The following UQCC1 variants were observed in gnomAD, a reference collection of about 807,000 sequenced individuals.
The protein encoded by UQCC1 is ubiquinol-cytochrome c reductase complex assembly factor 1.
Under a neutral mutation model 48.0 loss-of-function variants are expected in UQCC1, and 38 were observed. The observed-to-expected ratio is 0.79, with a 90% CI of 0.61 to 1.04. The LOEUF is 1.04. UQCC1 is among the 50% of genes least tolerant of loss of function. The pLI, the probability that UQCC1 is intolerant of heterozygous loss-of-function variation, is 0.00. For missense variants in UQCC1, 368 were observed against 381.8 expected (o/e 0.96, Z 0.30); for synonymous variants, 111 against 129.2 (o/e 0.86, Z 0.95).
Position 35,303,988 on chromosome 20 carries a change from G to C in UQCC1, c.847C>G (p.Pro283Ala). The C allele has an allele frequency of 1.2e-6, 2 of 1,614,176 alleles. No individual in the cohort carries two copies. The highest frequency in any genetic ancestry group is 1.7e-6 in the Non-Finnish European group (2 of 1,180,014). ...VSWRPLVEKN[P>A]QSILKPHSPT... ...GAATGGGGCTTCAGGATGCTCTGAGGATTCTTCTCCACTAGAGGGCGCCAG... is the reference window on the plus strand; with the variant it reads ...GAATGGGGCTTCAGGATGCTCTGAGCATTCTTCTCCACTAGAGGGCGCCAG... Residue 283 changes from proline (P) to alanine (A), a missense_variant, in exon 10 of 10, where the codon CCT (proline) becomes GCT (alanine). Transcript: ENST00000374385.
intron 7 of UQCC1, among the ~76,000 whole-genome samples, chr20:35,318,019 A>G (rs2061081755): frequency 6.6e-6 from 1 of 152,210 alleles, no homozygotes; most frequent in Non-Finnish European, 1.5e-5. Flanking sequence ...CCTGATACCC[A>G]TACTTGGAGG....
At chr20:35,359,834 T>A (rs2061586695) in intron 6 of UQCC1, among the ~76,000 whole-genome samples, 1 of 152,130 alleles carries the variant, frequency 6.6e-6, no homozygotes, top group Admixed American at 6.5e-5. Context: ...AGTTTATTGA[T>A]CTGTAAGCTG....
At position 35,303,805 on chromosome 20, in the gene UQCC1, G is replaced by A; in HGVS notation, c.*130C>T. The A allele has an allele frequency of 7.8e-7, 1 of 1,277,684 alleles. No homozygotes were observed. The highest frequency in any genetic ancestry group is 1.1e-6 in the Non-Finnish European group (1 of 903,280). 79.1% of individuals were successfully genotyped at this position (1,277,684 alleles called of 1,614,324 possible). A position where few individuals can be genotyped will look rare whatever the true frequency, so the allele number is the denominator to read the frequency against. ...TAAGAGGAAACTCAACACAAATGGGGCCAGGTATTTGACAGATGCTGTTCA... is the reference window on the plus strand; with the variant it reads ...TAAGAGGAAACTCAACACAAATGGGACCAGGTATTTGACAGATGCTGTTCA... On this transcript the variant is annotated 3_prime_UTR_variant, in exon 10 of 10. Coordinates refer to ENST00000374385, the MANE Select transcript of UQCC1 (RefSeq NM_018244.5).
chr20:35,404,195 C>T (rs935717021), intron 1 of UQCC1, among the ~76,000 whole-genome samples: 2 of 152,060 alleles, frequency 1.3e-5, no homozygotes, highest in African/African-American at 4.8e-5. Context: ...CGGTGAAATG[C>T]CGTCTCTACT....
At chr20:35,396,751 A>T (rs1302182918) in intron 1 of UQCC1, among the ~76,000 whole-genome samples, 1 of 152,182 alleles carries the variant, frequency 6.6e-6, no homozygotes, top group East Asian at 1.9e-4. Flanking sequence ...AGAAAGGGAT[A>T]GCTCTCTCTT....
intron 2 of UQCC1, chr20:35,384,648 T>TAAAAAAA: frequency 2.6e-6 from 1 of 382,944 alleles, no homozygotes; most frequent in Non-Finnish European, 5.0e-6. Flanking sequence ...ACCCTGTCTG[T>TAAAAAAA]AAAAAAAAAA....
intron 8 of UQCC1, among the ~76,000 whole-genome samples, chr20:35,310,372 T>C (rs1423993594): frequency 2.0e-5 from 3 of 151,946 alleles, no homozygotes; most frequent in Non-Finnish European, 2.9e-5. Flanking sequence ...TTAGCGGGTG[T>C]GGTGGCTCAC....
intron 1 of UQCC1, among the ~76,000 whole-genome samples, chr20:35,394,685 A>G (rs531029646): frequency 6.6e-6 from 1 of 152,276 alleles, no homozygotes; most frequent in South Asian, 2.1e-4. Flanking sequence ...TCTGATACCA[A>G]ATGTGCAGGG....
chr20:35,332,031 T>C (rs1331628475), intron 7 of UQCC1, among the ~76,000 whole-genome samples: 1 of 152,192 alleles, frequency 6.6e-6, no homozygotes, highest in African/African-American at 2.4e-5. Flanking sequence ...AAAGCAACAT[T>C]GTGGCAGAGC....
chr20:35,387,116 C>G (rs756784247), intron 2 of UQCC1, among the ~76,000 whole-genome samples: 3 of 151,340 alleles, frequency 2.0e-5, no homozygotes, highest in Admixed American at 6.6e-5. Context: ...ATCTCTACCC[C>G]CCTCCAAAAA....
At chr20:35,373,827 G>A (rs1265976120) in intron 5 of UQCC1, among the ~76,000 whole-genome samples, 1 of 151,858 alleles carries the variant, frequency 6.6e-6, no homozygotes, top group East Asian at 1.9e-4. Flanking sequence ...TTCAAAATAA[G>A]CAAAATGTTT....
chr20:35,408,221 G>A (rs1355809930), intron 1 of UQCC1, among the ~76,000 whole-genome samples: 2 of 151,836 alleles, frequency 1.3e-5, no homozygotes, highest in Non-Finnish European at 2.9e-5. Flanking sequence ...TTAAACTCAG[G>A]AATTTGAGAC....
intron 2 of UQCC1, among the ~76,000 whole-genome samples, chr20:35,387,931 A>C (rs2061965134): frequency 6.6e-6 from 1 of 152,020 alleles, no homozygotes; most frequent in Non-Finnish European, 1.5e-5. Flanking sequence ...ACCTACCTAC[A>C]TGCTTGGTGT....
intron 9 of UQCC1, among the ~76,000 whole-genome samples, chr20:35,305,184 G>C (rs563942949): frequency 1.3e-5 from 2 of 152,202 alleles, no homozygotes; most frequent in Admixed American, 1.3e-4. Context: ...CTGGCTCCTC[G>C]AGGGCAGGAC....
chr20:35,378,620 A>G (rs1400784467), intron 4 of UQCC1, among the ~76,000 whole-genome samples: 6 of 151,978 alleles, frequency 3.9e-5, no homozygotes, highest in Non-Finnish European at 8.8e-5. Context: ...ACAGAGCGAG[A>G]CTCCAACTCA....
rs563701837 is a variant in UQCC1, at chr20:35,347,960, G to A, written c.465-688C>T. Among the ~76,000 whole-genome samples the A allele has an allele frequency of 9.2e-5, 14 of 152,162 alleles. No homozygotes were observed. In the South Asian group the frequency reaches 2.3e-3, roughly 25 times the overall value. On this transcript the variant is annotated intron_variant, in intron 6 of 9. Transcript: ENST00000374385. ...ATTTTAAATTACATACATGGCTTGC[G>A]TTATATTTCTGTTGGACAACACCTG... is the stretch of plus-strand genomic sequence containing the variant.
At chr20:35,389,781 G>C (rs1293210644) in intron 2 of UQCC1, among the ~76,000 whole-genome samples, 1 of 152,116 alleles carries the variant, frequency 6.6e-6, no homozygotes, top group Non-Finnish European at 1.5e-5. Context: ...CTGCAGTGAA[G>C]AACCATCAAT....
At chr20:35,320,085 A>C (rs1403410619) in intron 7 of UQCC1, among the ~76,000 whole-genome samples, 1 of 152,184 alleles carries the variant, frequency 6.6e-6, no homozygotes, top group African/African-American at 2.4e-5. Context: ...TCTATTTCTT[A>C]GTCATACTGC....
rs1600839065 is a variant in UQCC1, at chr20:35,302,657, C to T, written c.*1278G>A. ...AAATAAATTAATCAGCAAATTCCTG[C>T]CTGGCTCAGCTCTGGTTTATGTAAA... On this transcript the variant is annotated 3_prime_UTR_variant, in exon 10 of 10. Transcript: ENST00000374385. The T allele has an allele frequency of 6.6e-6, 1 of 152,228 alleles. No homozygotes were observed. Among genetic ancestry groups the T allele is most frequent in the South Asian group, 2.1e-4 (1 of 4,834 alleles). 9.4% of individuals were successfully genotyped at this position (152,228 alleles called of 1,614,324 possible). A position where few individuals can be genotyped will look rare whatever the true frequency, so the allele number is the denominator to read the frequency against.
Sources: allele counts gnomAD v4.1 joint callset (sites outside exome capture counted in the v4.1 genomes callset), GRCh38; gene constraint gnomAD v4.1.1; transcripts MANE v1.5; gene names NCBI Gene and HGNC (gene_info 2026-07-23, HGNC 2026-07-21).